The following ACRBP variants were observed in gnomAD, a reference collection of about 807,000 sequenced individuals.
The protein encoded by ACRBP is acrosin-binding protein.
ACRBP carries 52 observed loss-of-function variants against 69.0 expected under a neutral mutation model. That is an observed-to-expected ratio of 0.75 (90% CI 0.60 to 0.95). ACRBP has a LOEUF of 0.95. Ranked by LOEUF, ACRBP falls within the 40% of genes least tolerant of loss-of-function variation. ACRBP has a pLI of 0.00. For synonymous variants in ACRBP, 267 were observed against 258.9 expected, an observed-to-expected ratio of 1.03 and a Z score of -0.30; for missense variants, 604 against 673.0, an observed-to-expected ratio of 0.90 and a Z score of 1.13.
chr12:6,644,032 A>C, intron 5 of ACRBP, 105 bp downstream of exon 5: 1 of 1,499,328 alleles, frequency 6.7e-7, no homozygotes, highest in East Asian at 2.3e-5. Context: ...AAGTCCAGAC[A>C]GGTCTGAGTG....
At chr12:6,642,284 G>C (rs1203085418) in intron 6 of ACRBP, among the ~76,000 whole-genome samples, 1 of 152,054 alleles carries the variant, frequency 6.6e-6, no homozygotes, top group Non-Finnish European at 1.5e-5. Flanking sequence ...ATACATCTAA[G>C]TTTTATTCTA....
At chr12:6,639,516 C>T (rs1216434631) in intron 8 of ACRBP, among the ~76,000 whole-genome samples, 8 of 152,240 alleles carry the variant, frequency 5.3e-5, no homozygotes. Flanking sequence ...CTTCAGCTGC[C>T]CTTACTTTTC....
rs971154039 is a variant in ACRBP at position 6,644,614 on chromosome 12, G to A, written c.476-9C>T. The A allele has an allele frequency of 4.4e-6, 7 of 1,598,204 alleles. No individual in the cohort carries two copies. The African/African-American group carries it at 9.4e-5, about 22-fold the overall frequency. Reference sequence around the variant, plus strand: ...GGTCTGGCGTTCTGTCACTACAGCAGGGTTTAGAGAGAAGGGAGAGAGACA... The same window carrying A: ...GGTCTGGCGTTCTGTCACTACAGCAAGGTTTAGAGAGAAGGGAGAGAGACA... On this transcript the variant is annotated splice_polypyrimidine_tract_variant and intron_variant, in intron 4 of 9. Transcript: ENST00000229243.
In ACRBP at chr12:6,645,264, A is replaced by G. The variant is rs1322165637; in HGVS notation, c.431T>C (p.Val144Ala). 5 of 1,613,784 alleles carry G rather than the reference A, an allele frequency of 3.1e-6. No individual in the cohort carries two copies. The Admixed American group carries it at 5.0e-5, about 16-fold the overall frequency. Reference sequence around the variant, plus strand: ...GGGGGAGGTCATCGTGGTGGGTGAGACTTCAGCTGAAGCTTCTATCTCCTT... The same window carrying G: ...GGGGGAGGTCATCGTGGTGGGTGAGGCTTCAGCTGAAGCTTCTATCTCCTT... ...TLKEIEASAE[V>A]SPTTMTSPIS... is the part of the protein sequence containing the mutation. The change falls in exon 4 of 10, where the codon GTC (valine) becomes GCC (alanine). Residue 144 changes from valine (V) to alanine (A), a missense_variant. Physicochemically the swap from Val to Ala is moderately conservative, Grantham distance 64. Transcript: ENST00000229243.
chr12:6,647,288 G>A (rs1949097536), intron 1 of ACRBP, 36 bp downstream of exon 1: 2 of 1,539,522 alleles, frequency 1.3e-6, no homozygotes, highest in Non-Finnish European at 1.7e-6. Flanking sequence ...GGACTAGCCC[G>A]GGGAGAGTCT....
intron 4 of ACRBP, among the ~76,000 whole-genome samples, chr12:6,644,898 G>A (rs571911002): frequency 3.3e-5 from 5 of 152,266 alleles, no homozygotes; most frequent in Admixed American, 3.3e-4. Context: ...AGTATGCTGA[G>A]TAGCTAGCAG....
Position 6,640,532 on chromosome 12 carries a change from G to T in ACRBP, c.1078-10C>A. The T allele has an allele frequency of 6.2e-7, 1 of 1,611,856 alleles. No individual in the cohort carries two copies. The highest frequency in any genetic ancestry group is 1.1e-5 in the South Asian group (1 of 90,886). Reference sequence around the variant, plus strand: ...CAAGGCTGTCACAGACCTGGGGCAGGGGAATGGGTGAGGCTGAAGCTGAGA... The same window carrying T: ...CAAGGCTGTCACAGACCTGGGGCAGTGGAATGGGTGAGGCTGAAGCTGAGA... On this transcript the variant is annotated splice_polypyrimidine_tract_variant and intron_variant, in intron 6 of 9. Coordinates refer to ENST00000229243, the MANE Select transcript of ACRBP (RefSeq NM_032489.3). The surrounding 1 kb of genome is among the most constrained non-coding windows in gnomAD (Gnocchi z 5.3).
intron 9 of ACRBP, 111 bp from the exon 10 acceptor site, chr12:6,638,515 A>C: frequency 6.8e-7 from 1 of 1,467,358 alleles, no homozygotes; most frequent in East Asian, 2.3e-5. Context: ...AGGCATGGGC[A>C]CAGGGCAGTA....
rs1470698761 is a variant in ACRBP, at chr12:6,640,466, G to A, written c.1134C>T (p.Cys378=). ...AGTGGCACTGCTCCAGCTTCAAGGA[G>A]CAGAAGTCACAGAGGGCACAGGTAG... ...HMSTCALCDF[C]SLKLEQCHSE... is the part of the protein sequence containing the mutation. The change falls in exon 7 of 10, where the codon TGC becomes TGT. Residue 378 remains cysteine (C), a synonymous_variant. Coordinates refer to ENST00000229243, the MANE Select transcript of ACRBP (RefSeq NM_032489.3). This position sits in a 1 kb window ranked among gnomAD's most constrained non-coding sequence, Gnocchi z 5.3. 1 of 1,614,162 alleles carries A rather than the reference G, an allele frequency of 6.2e-7. No homozygotes were observed.
Position 6,645,357 on chromosome 12 carries a change from A to G in ACRBP, c.358-20T>C, listed in dbSNP as rs747050351. 6.3e-7 allele frequency: 1 copy of G among 1,583,500 alleles called. No homozygotes were observed. Among genetic ancestry groups the G allele is most frequent in the Non-Finnish European group, 8.7e-7 (1 of 1,152,878 alleles). ...GACTCTCTGCAGGAAGAGAAGGAAA[A>G]TGGGAAAGCCTTTCCTAAAGGGCAG... is the stretch of plus-strand genomic sequence containing the variant. On this transcript the variant is annotated intron_variant, in intron 3 of 9. Coordinates refer to ENST00000229243, the MANE Select transcript of ACRBP (RefSeq NM_032489.3).
At chr12:6,647,119 C>T (rs931832099) in intron 1 of ACRBP, 107 bp from the exon 2 acceptor site, 5 of 1,158,390 alleles carry the variant, frequency 4.3e-6, no homozygotes, top group African/African-American at 3.1e-5. Context: ...TGAGGGTTAT[C>T]CCTGCTGACC....
chr12:6,643,625 A>G lies in ACRBP; in HGVS notation c.991T>C (p.Ser331Pro). The G allele has an allele frequency of 6.2e-7, 1 of 1,614,218 alleles. No individual in the cohort carries two copies. The highest frequency in any genetic ancestry group is 8.5e-7 in the Non-Finnish European group (1 of 1,180,034). The stretch of plus-strand genomic sequence containing the variant: ...ATGATGCAGGTATTCTCCACGATCG[A>G]ATAGCACAGCACCAGCAAGGCCTCT... ...HTEALLVLCY[S>P]IVENTCIITP... The change falls in exon 6 of 10, where the codon TCG becomes CCG. Residue 331 changes from serine (S) to proline (P), a missense_variant. This residue lies in a region of ACRBP where 532 missense variants were observed against 562.9 expected (regional missense o/e 0.95). Coordinates refer to ENST00000229243, the MANE Select transcript of ACRBP (RefSeq NM_032489.3).
At chr12:6,644,751 T>G (rs1176817097) in intron 4 of ACRBP, 146 bp from the exon 5 acceptor site, 1 of 1,327,626 alleles carries the variant, frequency 7.5e-7, no homozygotes, top group Non-Finnish European at 9.9e-7. Flanking sequence ...ACATAAGTAT[T>G]AAACTAAAAG....
At position 6,645,236 on chromosome 12, in the gene ACRBP, G is replaced by C; in HGVS notation, c.459C>G (p.Ile153Met). ...GGGTCTCACCTGTGAAGTGGGGTGA[G>C]ATGGGGGAGGTCATCGTGGTGGGTG... ...EVSPTTMTSP[I>M]SPHFTVTERQ... The change falls in exon 4 of 10, where the codon ATC becomes ATG. Residue 153 changes from isoleucine to methionine, a missense_variant. Transcript: ENST00000229243. 3 of 1,613,374 alleles carry C rather than the reference G, an allele frequency of 1.9e-6. No individual in the cohort carries two copies. The highest frequency in any genetic ancestry group is 2.2e-5 in the South Asian group (2 of 90,902).
chr12:6,639,924 G>A, intron 8 of ACRBP, 136 bp downstream of exon 8: 5 of 1,026,630 alleles, frequency 4.9e-6, no homozygotes, highest in Non-Finnish European at 7.0e-6. Context: ...AGAGAGGCAG[G>A]AGATTCAGTG....
intron 3 of ACRBP, among the ~76,000 whole-genome samples, 188 bp downstream of exon 3, chr12:6,646,295 A>C (rs930554769): frequency 3.3e-5 from 5 of 152,038 alleles, no homozygotes; most frequent in Admixed American, 6.6e-5. Context: ...TCTTGCAGTA[A>C]CAGAATTGTT....
In ACRBP at chr12:6,646,464, C is replaced by G. The variant is rs747190547; in HGVS notation, c.357+19G>C. On this transcript the variant is annotated intron_variant, in intron 3 of 9. Coordinates refer to ENST00000229243, the MANE Select transcript of ACRBP (RefSeq NM_032489.3). ...CTTGGCCCTGGGGCACCAAATCCAA[C>G]CTTTGTCCTGGGCCTCACCTTGGCA... The G allele has an allele frequency of 1.2e-6, 2 of 1,612,332 alleles. No homozygotes were observed. The highest frequency in any genetic ancestry group is 1.7e-6 in the Non-Finnish European group (2 of 1,178,362).
At position 6,644,689 on chromosome 12, in the gene ACRBP, TAAAC is replaced by T. The variant is rs973413704; in HGVS notation, c.476-88_476-85del. The T allele has an allele frequency of 6.6e-6, 10 of 1,509,706 alleles. No homozygotes were observed. The African/African-American group carries it at 1.1e-4, about 17-fold the overall frequency. 93.5% of individuals were successfully genotyped at this position (1,509,706 alleles called of 1,614,324 possible). ...CTTTGTTCACAGAGGGACACACACA[TAAAC>T]AAAGCAGACCAAGTCACACTTATAC... On this transcript the variant is annotated intron_variant, in intron 4 of 9. Transcript: ENST00000229243.
In ACRBP at chr12:6,647,278, G is replaced by C. The variant is rs761985231; in HGVS notation, c.43+46C>G. 10 of 1,529,884 alleles carry C rather than the reference G, an allele frequency of 6.5e-6. No individual in the cohort carries two copies. In the African/African-American group the frequency reaches 1.1e-4, roughly 17 times the overall value. 94.8% of individuals were successfully genotyped at this position (1,529,884 alleles called of 1,614,324 possible). A position where few individuals can be genotyped will look rare whatever the true frequency, so the allele number is the denominator to read the frequency against. ...AAAAGCAGAGCTCTCGGGAGGGAGA[G>C]GACTAGCCCGGGGAGAGTCTGTTGG... On this transcript the variant is annotated intron_variant, in intron 1 of 9. Transcript: ENST00000229243.
Sources: gnomAD v4.1 joint callset for allele counts (sites outside exome capture counted in the v4.1 genomes callset) on GRCh38, gnomAD v4.1.1 for gene constraint, gnomAD v4.1.1 regional missense constraint, Gnocchi (gnomAD v3.1) non-coding constraint, MANE v1.5 for transcripts, NCBI Gene and HGNC (gene_info 2026-07-23, HGNC 2026-07-21) for gene names.